Variants in SPMIP4 observed in about 807,000 individuals in gnomAD.
SPMIP4 encodes the protein sperm-associated microtubule inner protein 4.
chr7:25,126,625 A>G, the SPMIP4 span, among the ~76,000 whole-genome samples: 1 of 152,180 alleles, frequency 6.6e-6, no homozygotes, highest in Non-Finnish European at 1.5e-5. Flanking sequence ...CTATTTATAT[A>G]TTATTATACT....
chr7:25,153,361 C>T, the SPMIP4 span, among the ~76,000 whole-genome samples: 31 of 151,726 alleles, frequency 2.0e-4, no homozygotes, highest in Admixed American at 3.9e-4. Flanking sequence ...GTCAGGAGTT[C>T]GAGACCAGCC....
the SPMIP4 span, among the ~76,000 whole-genome samples, chr7:25,137,426 T>G: frequency 6.6e-6 from 1 of 151,614 alleles, no homozygotes; most frequent in African/African-American, 2.4e-5. Context: ...AGTTGCGGAG[T>G]GTATTAATTT....
chr7:25,136,346 G>T, the SPMIP4 span: 1 of 1,614,080 alleles, frequency 6.2e-7, no homozygotes, highest in African/African-American at 1.3e-5. This position sits in a 1 kb window ranked among gnomAD's most constrained non-coding sequence, Gnocchi z 5.7. Flanking sequence ...GGAGATTTAA[G>T]ATTTTCATAG....
chr7:25,174,790 A>G, the SPMIP4 span, among the ~76,000 whole-genome samples: 1 of 152,196 alleles, frequency 6.6e-6, no homozygotes, highest in Non-Finnish European at 1.5e-5. The surrounding 1 kb of genome is among the most constrained non-coding windows in gnomAD (Gnocchi z 4.5). Context: ...GAAAAAGAGG[A>G]TAGGAATCTT....
chr7:25,150,387 A>T, the SPMIP4 span, among the ~76,000 whole-genome samples: 1 of 152,166 alleles, frequency 6.6e-6, no homozygotes, highest in African/African-American at 2.4e-5. Context: ...CTTCGTTAGG[A>T]CTTCTTTTTG....
chr7:25,157,093 G>C, the SPMIP4 span, among the ~76,000 whole-genome samples: 1 of 152,098 alleles, frequency 6.6e-6, no homozygotes, highest in Non-Finnish European at 1.5e-5. Context: ...CACGATGATG[G>C]GGAAATGTCA....
the SPMIP4 span, chr7:25,142,267 G>C: frequency 6.2e-7 from 1 of 1,613,072 alleles, no homozygotes; most frequent in Non-Finnish European, 8.5e-7. Flanking sequence ...CCTATCTTTC[G>C]TGTTAACTCT....
At chr7:25,131,617 A>G in the SPMIP4 span, among the ~76,000 whole-genome samples, 1 of 152,214 alleles carries the variant, frequency 6.6e-6, no homozygotes, top group African/African-American at 2.4e-5. This position sits in a 1 kb window ranked among gnomAD's most constrained non-coding sequence, Gnocchi z 4.2. Context: ...GTGGCAGGCC[A>G]CTTCCAAAAT....
chr7:25,125,956 A>T, the SPMIP4 span: 3 of 985,396 alleles, frequency 3.0e-6, no homozygotes, highest in Non-Finnish European at 3.6e-6. Flanking sequence ...TTTGCGGCAG[A>T]GACAGGATTA....
At chr7:25,130,759 G>A in the SPMIP4 span, among the ~76,000 whole-genome samples, 1 of 152,234 alleles carries the variant, frequency 6.6e-6, no homozygotes, top group African/African-American at 2.4e-5. Flanking sequence ...AGCTATTATT[G>A]TCTTTGCCTT....
chr7:25,142,437 A>G, the SPMIP4 span: 1 of 956,608 alleles, frequency 1.0e-6, no homozygotes, highest in East Asian at 2.6e-5. Context: ...ATATAATTAG[A>G]ACCAATAAAA....
chr7:25,158,866 A>AAT, the SPMIP4 span, among the ~76,000 whole-genome samples: 380 of 131,946 alleles, frequency 2.9e-3, 4 homozygotes, highest in African/African-American at 0.011. Context: ...AAAAAAAAAA[A>AAT]AATAATAATA....
chr7:25,169,479 G>A, the SPMIP4 span, among the ~76,000 whole-genome samples: 82 of 152,210 alleles, frequency 5.4e-4, no homozygotes, highest in African/African-American at 1.8e-3. Context: ...AATGTAACAC[G>A]TGGCCTTTTG....
chr7:25,167,393 T>G, the SPMIP4 span, among the ~76,000 whole-genome samples: 1 of 152,242 alleles, frequency 6.6e-6, no homozygotes, highest in East Asian at 1.9e-4. Flanking sequence ...AGAAAGACAT[T>G]ACAGTTCCAT....
the SPMIP4 span, among the ~76,000 whole-genome samples, chr7:25,163,495 A>G: frequency 3.9e-5 from 6 of 152,336 alleles, no homozygotes; most frequent in South Asian, 1.0e-3. The surrounding 1 kb of genome is among the most constrained non-coding windows in gnomAD (Gnocchi z 4.4). Context: ...TAGGTAGATA[A>G]AACGACCAGC....
the SPMIP4 span, chr7:25,155,107 C>T: frequency 6.2e-7 from 1 of 1,613,596 alleles, no homozygotes. Flanking sequence ...TAGAGGTCCT[C>T]AGGTGACGTG....
the SPMIP4 span, chr7:25,168,285 T>C: frequency 4.4e-6 from 7 of 1,594,050 alleles, no homozygotes; most frequent in African/African-American, 5.4e-5. Flanking sequence ...GAAAGTTTAT[T>C]TACCTTGGCC....
At chr7:25,160,253 G>GTTCCATTATTAATA in the SPMIP4 span, among the ~76,000 whole-genome samples, 389 of 68,052 alleles carry the variant, frequency 5.7e-3, 4 homozygotes, top group Admixed American at 0.011. Flanking sequence ...TCTTAATAAA[G>GTTCCATTATTAATA]AAGTGATAGT....
chr7:25,164,791 C>T, the SPMIP4 span, among the ~76,000 whole-genome samples: 3 of 152,140 alleles, frequency 2.0e-5, no homozygotes, highest in African/African-American at 4.8e-5. Flanking sequence ...CCAACCTTCC[C>T]CCTGAGTCCC....
Sources: allele counts gnomAD v4.1 joint callset (sites outside exome capture counted in the v4.1 genomes callset), GRCh38; gene constraint gnomAD v4.1.1; non-coding constraint Gnocchi (gnomAD v3.1); transcripts MANE v1.5; gene names NCBI Gene and HGNC (gene_info 2026-07-23, HGNC 2026-07-21).